Variants in PEBP4 observed in about 807,000 individuals in gnomAD.
PEBP4 encodes the protein phosphatidylethanolamine-binding protein 4.
Under a neutral mutation model 23.9 loss-of-function variants are expected in PEBP4, and 22 were observed. The ratio of observed to expected loss-of-function variants is 0.92; its 90% confidence interval spans 0.66 to 1.31. The LOEUF is 1.31. Among genes scored for constraint, PEBP4 ranks in the 40% most tolerant of loss-of-function variants. The pLI is 0.00. For missense variants in PEBP4, 324 were observed against 281.7 expected, an observed-to-expected ratio of 1.15 and a Z score of -1.07; for synonymous variants, 112 against 99.3, an observed-to-expected ratio of 1.13 and a Z score of -0.76.
Position 22,725,001 on chromosome 8 carries a change from T to C in PEBP4, c.404-45A>G, listed in dbSNP as rs769247846. Reference sequence around the variant, plus strand: ...AGAGGTGAGCATCAACATCCCATACTACCGAGGGCAGAGCTCTCTGCCTTC... The same window carrying C: ...AGAGGTGAGCATCAACATCCCATACCACCGAGGGCAGAGCTCTCTGCCTTC... On this transcript the variant is annotated intron_variant, in intron 5 of 6. Transcript: ENST00000256404. The C allele has an allele frequency of 4.0e-6, 6 of 1,512,328 alleles. No homozygotes were observed. The African/African-American group carries it at 5.5e-5, about 14-fold the overall frequency. The allele number at this position is 1,512,328 out of a possible 1,614,324, so 93.7% of individuals were successfully genotyped here.
chr8:22,923,173 CT>C (rs982982331), intron 2 of PEBP4, among the ~76,000 whole-genome samples: 9 of 152,170 alleles, frequency 5.9e-5, no homozygotes, highest in African/African-American at 2.2e-4. Flanking sequence ...CTTGGCTGCA[CT>C]TTCTTCCCCG....
At chr8:22,940,490 C>CTTTTTTTT (rs761722562) in intron 1 of PEBP4, among the ~76,000 whole-genome samples, 13,775 of 109,336 alleles carry the variant, frequency 0.13, 1,574 homozygotes, top group Non-Finnish European at 0.16. Flanking sequence ...ATGAATTTCT[C>CTTTTTTTT]TTTTTTTTTT....
At chr8:22,915,850 C>CTG (rs1809061239) in intron 3 of PEBP4, among the ~76,000 whole-genome samples, 1 of 152,192 alleles carries the variant, frequency 6.6e-6, no homozygotes, top group African/African-American at 2.4e-5. Flanking sequence ...TTTTTCTGCT[C>CTG]TGTGTATACA....
chr8:22,742,581 C>T (rs987624237), intron 4 of PEBP4, among the ~76,000 whole-genome samples: 1 of 152,172 alleles, frequency 6.6e-6, no homozygotes, highest in Non-Finnish European at 1.5e-5. Context: ...GGAGTGCTGT[C>T]TAGCTGCTCA....
Position 22,892,975 on chromosome 8 carries a change from G to A in PEBP4, c.258+27209C>T, listed in dbSNP as rs554432103. ...GGGTTAAGGTGGTCATGATTCACAA[G>A]GCAGAGGCAGCTGTGCGGGGAGAGA... On this transcript the variant is annotated intron_variant, in intron 3 of 6. Coordinates refer to ENST00000256404, the MANE Select transcript of PEBP4 (RefSeq NM_144962.3). Among the ~76,000 whole-genome samples, 3 of 152,320 alleles carry A rather than the reference G, an allele frequency of 2.0e-5. No individual in the cohort carries two copies. The East Asian group carries it at 5.8e-4, about 29-fold the overall frequency.
intron 4 of PEBP4, among the ~76,000 whole-genome samples, chr8:22,729,705 G>T (rs1388824438): frequency 6.6e-6 from 1 of 152,252 alleles, no homozygotes; most frequent in Non-Finnish European, 1.5e-5. Context: ...GGCACTGATG[G>T]CAAATGGACT....
intron 4 of PEBP4, among the ~76,000 whole-genome samples, chr8:22,796,603 T>C (rs4872024): frequency 0.37 from 55,973 of 151,964 alleles, 10,572 homozygotes; most frequent in Middle Eastern, 0.45. Flanking sequence ...ACTTGCTGCA[T>C]ACCAAGGAAG....
intron 4 of PEBP4, among the ~76,000 whole-genome samples, chr8:22,789,068 C>T (rs1198711858): frequency 6.6e-6 from 1 of 152,152 alleles, no homozygotes; most frequent in African/African-American, 2.4e-5. Context: ...ATGATACATT[C>T]ATTTTCAAAA....
intron 4 of PEBP4, among the ~76,000 whole-genome samples, chr8:22,739,378 C>T (rs561527784): frequency 5.9e-5 from 9 of 152,288 alleles, no homozygotes; most frequent in African/African-American, 2.2e-4. Context: ...AGCTGTAGGG[C>T]TAACTCCTCA....
intron 4 of PEBP4, among the ~76,000 whole-genome samples, chr8:22,793,434 T>A (rs1269442477): frequency 2.4e-4 from 2 of 8,368 alleles, no homozygotes; most frequent in African/African-American, 3.3e-4. Flanking sequence ...GCCCAGCTCA[T>A]TTTTTTTTTT....
chr8:22,783,689 G>A (rs1805972613), intron 4 of PEBP4, among the ~76,000 whole-genome samples: 1 of 152,124 alleles, frequency 6.6e-6, no homozygotes, highest in Non-Finnish European at 1.5e-5. Context: ...GTTTTGTTTT[G>A]TTTGAGATGG....
Position 22,883,832 on chromosome 8 carries a change from G to C in PEBP4, c.258+36352C>G, listed in dbSNP as rs563720245. 3 of 152,160 alleles carry C rather than the reference G, an allele frequency of 2.0e-5. No individual in the cohort carries two copies. In the East Asian group the frequency reaches 5.8e-4, roughly 29 times the overall value. The allele number at this position is 152,160 out of a possible 1,614,324, so 9.4% of individuals were successfully genotyped here. ...TTTGTTGAATCATTTTGTCTTATATGATTGTTAAGCAATTATTTCATCTCA... is the reference window on the plus strand; with the variant it reads ...TTTGTTGAATCATTTTGTCTTATATCATTGTTAAGCAATTATTTCATCTCA... On this transcript the variant is annotated intron_variant, in intron 3 of 6. Coordinates refer to ENST00000256404, the MANE Select transcript of PEBP4 (RefSeq NM_144962.3).
chr8:22,936,377 A>G (rs1585164338), intron 1 of PEBP4, among the ~76,000 whole-genome samples: 1 of 152,202 alleles, frequency 6.6e-6, no homozygotes, highest in Non-Finnish European at 1.5e-5. Flanking sequence ...AAATTCCTGG[A>G]AACATAAAAC....
At chr8:22,831,775 G>T (rs1807087579) in intron 3 of PEBP4, among the ~76,000 whole-genome samples, 1 of 152,188 alleles carries the variant, frequency 6.6e-6, no homozygotes, top group South Asian at 2.1e-4. Flanking sequence ...GTGCTCAGGA[G>T]GGAAGGCCAT....
rs990956724 is a variant in PEBP4, at chr8:22,792,345, C to T, written c.357+25292G>A. Among the ~76,000 whole-genome samples the T allele has an allele frequency of 1.8e-4, 27 of 152,076 alleles. 1 individual carries two copies. The highest frequency in any genetic ancestry group is 3.3e-4 in the Admixed American group (5 of 15,264). ...CAGGTGACATCTCAGGGCTGCAGGG[C>T]CTTACCCCATAGAACACTTCCCGGT... On this transcript the variant is annotated intron_variant, in intron 4 of 6. Transcript: ENST00000256404.
chr8:22,873,866 T>C (rs1205723694), intron 3 of PEBP4, among the ~76,000 whole-genome samples: 1 of 152,058 alleles, frequency 6.6e-6, no homozygotes, highest in East Asian at 1.9e-4. Context: ...TTAGGAGAGA[T>C]TTAAGAGTTC....
rs777068182 is a variant in PEBP4, at chr8:22,727,174, C to T, written c.403+1G>A. The T allele has an allele frequency of 6.2e-7, 1 of 1,613,994 alleles. No individual in the cohort carries two copies. The highest frequency in any genetic ancestry group is 1.7e-5 in the Admixed American group (1 of 60,010). ...GAAGGGGTCCCTAGGGTCTTACTCA[C>T]CTGATAACTCCTGGCCCTGAATCTT... On this transcript the variant is annotated splice_donor_variant, in intron 5 of 6. Coordinates refer to ENST00000256404, the MANE Select transcript of PEBP4 (RefSeq NM_144962.3). LOFTEE classifies it high-confidence loss of function.
Position 22,817,090 on chromosome 8 carries a change from G to A in PEBP4, c.357+547C>T, listed in dbSNP as rs373783212. Among the ~76,000 whole-genome samples, 68 of 152,302 alleles carry A rather than the reference G, an allele frequency of 4.5e-4. 3 individuals carry two copies. Among genetic ancestry groups the A allele is most frequent in the African/African-American group, 1.6e-3 (65 of 41,570 alleles). Reference sequence around the variant, plus strand: ...TGAGCCAGGCTCCTTCACAATTATCGTGATGACAAAGACACAAAGATGAGA... The same window carrying A: ...TGAGCCAGGCTCCTTCACAATTATCATGATGACAAAGACACAAAGATGAGA... On this transcript the variant is annotated intron_variant, in intron 4 of 6. Coordinates refer to ENST00000256404, the MANE Select transcript of PEBP4 (RefSeq NM_144962.3).
At chr8:22,798,689 C>A (rs1482249355) in intron 4 of PEBP4, 11 of 149,492 alleles carry the variant, frequency 7.4e-5, no homozygotes, top group Admixed American at 7.4e-4. Flanking sequence ...TGTGTCATCA[C>A]TCGGTCATGT....
Sources: gnomAD v4.1 joint callset for allele counts (sites outside exome capture counted in the v4.1 genomes callset) on GRCh38, gnomAD v4.1.1 for gene constraint, MANE v1.5 for transcripts, NCBI Gene and HGNC (gene_info 2026-07-23, HGNC 2026-07-21) for gene names.